RPS6KL1: variants seen among roughly 807,000 people sequenced by gnomAD.
The protein encoded by RPS6KL1 is ribosomal protein S6 kinase like 1, also known as ribosomal protein S6 kinase-like 1.
A neutral mutation model predicts 57.0 loss-of-function variants in RPS6KL1; 41 were observed. The observed-to-expected ratio is 0.72, with a 90% CI of 0.56 to 0.93. The LOEUF is 0.93. Among genes scored for constraint, RPS6KL1 ranks in the 40% least tolerant of loss-of-function variants. The pLI, the probability that RPS6KL1 is intolerant of heterozygous loss-of-function variation, is 0.00. For missense variants in RPS6KL1, 697 were observed against 727.7 expected (o/e 0.96, Z 0.49); for synonymous variants, 287 against 309.7 (o/e 0.93, Z 0.77).
Position 74,922,462 on chromosome 14 carries a change from G to A in RPS6KL1, c.-505C>T. 2.3e-6 allele frequency: 1 copy of A among 430,958 alleles called. No individual in the cohort carries two copies. The highest frequency in any genetic ancestry group is 3.1e-6 in the Non-Finnish European group (1 of 322,304). 26.7% of individuals were successfully genotyped at this position (430,958 alleles called of 1,614,324 possible). A position where few individuals can be genotyped will look rare whatever the true frequency, so the allele number is the denominator to read the frequency against. On this transcript the variant is annotated 5_prime_UTR_variant, in exon 2 of 12. Transcript: ENST00000557413. Reference sequence around the variant, plus strand: ...CCCCTCCTGGAGCCAGCAGAGAGCAGAGCACAGAGCTGGGCTGTAAGAACT... The same window carrying A: ...CCCCTCCTGGAGCCAGCAGAGAGCAAAGCACAGAGCTGGGCTGTAAGAACT...
chr14:74,909,834 G>C lies in RPS6KL1; in HGVS notation c.979C>G (p.His327Asp). The change falls in exon 8 of 12, where the codon CAC becomes GAC. Residue 327 changes from histidine to aspartate, a missense_variant. Physicochemically the swap from His to Asp is moderately conservative, Grantham distance 81 (BLOSUM62 -1). Coordinates refer to ENST00000557413, the MANE Select transcript of RPS6KL1 (RefSeq NM_031464.5). ...TGGCCAGCCCTCCTAGCTTGAAGGT[G>C]CAGGTGGCCACCTGGGGCCTTTGGA... Reference protein sequence around the residue: ...DLPKAPGGHLHLQARRAGQNS... With the variant: ...DLPKAPGGHLDLQARRAGQNS... 1 of 1,611,138 alleles carries C rather than the reference G, an allele frequency of 6.2e-7. No individual in the cohort carries two copies. Among genetic ancestry groups the C allele is most frequent in the Non-Finnish European group, 8.5e-7 (1 of 1,178,522 alleles).
intron 4 of RPS6KL1, 46 bp from the exon 5 acceptor site, chr14:74,918,651 C>T: frequency 7.0e-7 from 1 of 1,428,830 alleles, no homozygotes; most frequent in East Asian, 2.5e-5. Flanking sequence ...GGGCCGAGCC[C>T]TCCTTGGCCA....
At chr14:74,921,238 T>TTCCCCCCCCCCCC in intron 3 of RPS6KL1, 39 bp downstream of exon 3, 156 of 839,912 alleles carry the variant, frequency 1.9e-4, no homozygotes, top group East Asian at 2.9e-4. Flanking sequence ...CACTGGCCCT[T>TTCCCCCCCCCCCC]CCCCACCCAC....
chr14:74,921,203 C>T (rs1887769733), intron 3 of RPS6KL1, 74 bp downstream of exon 3: 1 of 1,350,964 alleles, frequency 7.4e-7, no homozygotes, highest in Middle Eastern at 2.3e-4. Context: ...GGGGACAAGA[C>T]AGATGGGTGA....
At chr14:74,912,246 G>A (rs1294811145) in intron 5 of RPS6KL1, among the ~76,000 whole-genome samples, 1 of 152,170 alleles carries the variant, frequency 6.6e-6, no homozygotes, top group Non-Finnish European at 1.5e-5. Flanking sequence ...TGAGCAGCCC[G>A]GGCCTTGGCT....
chr14:74,906,295 A>G lies in RPS6KL1; in HGVS notation c.*719T>C. 3.0e-6 allele frequency: 1 copy of G among 333,440 alleles called. No individual in the cohort carries two copies. Among genetic ancestry groups the G allele is most frequent in the East Asian group, 7.7e-5 (1 of 12,904 alleles). 20.7% of individuals were successfully genotyped at this position (333,440 alleles called of 1,614,324 possible). On this transcript the variant is annotated 3_prime_UTR_variant, in exon 12 of 12. Coordinates refer to ENST00000557413, the MANE Select transcript of RPS6KL1 (RefSeq NM_031464.5). ...TTGATTCTGGTTTCAGACTTGCTCTAAGGGGCAGACCCATGCATTCCTTCC... is the reference window on the plus strand; with the variant it reads ...TTGATTCTGGTTTCAGACTTGCTCTGAGGGGCAGACCCATGCATTCCTTCC...
chr14:74,921,330 G>T lies in RPS6KL1; in HGVS notation c.212C>A (p.Ala71Glu), dbSNP rs375449199. 6.2e-6 allele frequency: 10 copies of T among 1,611,860 alleles called. No homozygotes were observed. The African/African-American group carries it at 1.3e-4, about 22-fold the overall frequency. Reference sequence around the variant, plus strand: ...GCCATTCTGATAGTGGTTGAAGGCCGCCTCATAGTCCTCACTAACATCGCG... The same window carrying T: ...GCCATTCTGATAGTGGTTGAAGGCCTCCTCATAGTCCTCACTAACATCGCG... ...LERDVSEDYE[A>E]AFNHYQNGVD... The change falls in exon 3 of 12, where the codon GCG becomes GAG. Residue 71 changes from alanine to glutamate, a missense_variant. By Grantham distance (107) the Ala-to-Glu change is moderately radical. Transcript: ENST00000557413.
At chr14:74,916,481 A>C (rs907078986) in intron 5 of RPS6KL1, among the ~76,000 whole-genome samples, 49 of 152,340 alleles carry the variant, frequency 3.2e-4, no homozygotes, top group African/African-American at 1.1e-3. Context: ...ACCTGAGGCA[A>C]GGAGTTCGAG....
chr14:74,917,074 C>T (rs929691087), intron 5 of RPS6KL1, among the ~76,000 whole-genome samples: 1 of 152,204 alleles, frequency 6.6e-6, no homozygotes, highest in Non-Finnish European at 1.5e-5. Flanking sequence ...GCAGGGCCTG[C>T]GCTGACAGTC....
In RPS6KL1 at chr14:74,909,721, A is replaced by T; in HGVS notation, c.1092T>A (p.Asp364Glu). The T allele has an allele frequency of 6.2e-7, 1 of 1,608,338 alleles. No individual in the cohort carries two copies. The highest frequency in any genetic ancestry group is 8.5e-7 in the Non-Finnish European group (1 of 1,179,778). ...PVLGGCGRGM[D>E]QSCLSADGAG... ...CCCCATCTGCTGACAGGCAGCTCTGATCCATGCCTCGGCCACAGCCCCCTA... is the reference window on the plus strand; with the variant it reads ...CCCCATCTGCTGACAGGCAGCTCTGTTCCATGCCTCGGCCACAGCCCCCTA... The change falls in exon 8 of 12, where the codon GAT becomes GAA. Residue 364 changes from aspartate (D) to glutamate (E), a missense_variant. By Grantham distance (45) the Asp-to-Glu change is conservative. Transcript: ENST00000557413.
In RPS6KL1 at chr14:74,919,828, G is replaced by GGA. The variant is rs748985566; in HGVS notation, c.390+16_390+17insTC. 8.0e-6 allele frequency: 12 copies of GGA among 1,491,478 alleles called. No individual in the cohort carries two copies. Among genetic ancestry groups the GGA allele is most frequent in the African/African-American group, 4.1e-5 (2 of 49,002 alleles). 92.4% of individuals were successfully genotyped at this position (1,491,478 alleles called of 1,614,324 possible). ...CCTCCTCCCGCTCAGGCCTTTGGGT[G>GGA]GGGGGGGTCTCCTCACCGCGCTGGG... On this transcript the variant is annotated intron_variant, in intron 4 of 11. Coordinates refer to ENST00000557413, the MANE Select transcript of RPS6KL1 (RefSeq NM_031464.5).
In RPS6KL1 at chr14:74,910,039, G is replaced by A. The variant is rs746485162; in HGVS notation, c.774C>T (p.Asn258=). Residue 258 remains asparagine, a synonymous_variant, in exon 8 of 12, where the codon AAC becomes AAT. Transcript: ENST00000557413. ...AGGGAAGCCTCGCTGGGGTCAGGAG[G>A]TTGAGGTGGGGGTTGAGCTGAGCCT... ...RMKAQLNPHL[N]LLTPARLPSG... The A allele has an allele frequency of 2.5e-6, 4 of 1,613,248 alleles. No individual in the cohort carries two copies. Among genetic ancestry groups the A allele is most frequent in the Non-Finnish European group, 1.7e-6 (2 of 1,179,810 alleles).
intron 11 of RPS6KL1, 34 bp downstream of exon 11, chr14:74,907,401 G>A: frequency 1.3e-6 from 2 of 1,548,658 alleles, no homozygotes; most frequent in Non-Finnish European, 1.7e-6. Flanking sequence ...CCTCAGGCTA[G>A]GCAGCTGCTT....
Position 74,907,451 on chromosome 14 carries a change from G to T in RPS6KL1, c.1523C>A (p.Ala508Asp), listed in dbSNP as rs757505852. 2 of 1,582,296 alleles carry T rather than the reference G, an allele frequency of 1.3e-6. No individual in the cohort carries two copies. Among genetic ancestry groups the T allele is most frequent in the South Asian group, 2.3e-5 (2 of 86,430 alleles). The change falls in exon 11 of 12, where the codon GCC becomes GAC. Residue 508 changes from alanine (A) to aspartate (D), a missense_variant. Coordinates refer to ENST00000557413, the MANE Select transcript of RPS6KL1 (RefSeq NM_031464.5). ...QLPEWLSRPA[A>D]SLLTELLQFE... is the part of the protein sequence containing the mutation. ...ACACCTCACCTCAGTCAGCAGAGAG[G>T]CCGCTGGGCGACTGAGCCACTCGGG...
chr14:74,918,781 C>T (rs1165606101), intron 4 of RPS6KL1, among the ~76,000 whole-genome samples, 176 bp from the exon 5 acceptor site: 1 of 152,210 alleles, frequency 6.6e-6, no homozygotes, highest in Admixed American at 6.5e-5. Flanking sequence ...CTGGCCTTTA[C>T]CGATAGGCAC....
intron 6 of RPS6KL1, 77 bp from the exon 7 acceptor site, chr14:74,911,457 C>T (rs1885963401): frequency 1.3e-6 from 2 of 1,526,900 alleles, no homozygotes; most frequent in African/African-American, 2.7e-5. Flanking sequence ...CTAGCCCTGG[C>T]TTCAGGGGCA....
chr14:74,906,074 T>G lies in RPS6KL1; in HGVS notation c.*940A>C. ...GCCATGGATAGTTGTTCCATGCGTT[T>G]TGTGGTTTCTTATCCCAAAAGGGCA... On this transcript the variant is annotated 3_prime_UTR_variant, in exon 12 of 12. Transcript: ENST00000557413. 5.6e-6 allele frequency: 1 copy of G among 178,074 alleles called. No individual in the cohort carries two copies. The highest frequency in any genetic ancestry group is 1.2e-5 in the Non-Finnish European group (1 of 81,884). 11.0% of individuals were successfully genotyped at this position (178,074 alleles called of 1,614,324 possible).
In RPS6KL1 at chr14:74,908,908, G is replaced by A. The variant is rs199620516; in HGVS notation, c.1385C>T (p.Thr462Met). 47 of 1,613,770 alleles carry A rather than the reference G, an allele frequency of 2.9e-5. No individual in the cohort carries two copies. The highest frequency in any genetic ancestry group is 2.0e-4 in the East Asian group (9 of 44,882). The change falls in exon 10 of 12, where the codon ACG becomes ATG. Residue 462 changes from threonine to methionine, a missense_variant. By Grantham distance (81) the Thr-to-Met change is moderately conservative. Transcript: ENST00000557413. ...AAAGCTCCACCAGTCACAGGCTTCCGTCAGCTCGGAAATCCCACCCACCTC... is the reference window on the plus strand; with the variant it reads ...AAAGCTCCACCAGTCACAGGCTTCCATCAGCTCGGAAATCCCACCCACCTC... ...APEVGGISEL[T>M]EACDWWSFGS...
At chr14:74,912,123 C>T (rs1043762899) in intron 5 of RPS6KL1, among the ~76,000 whole-genome samples, 1 of 152,146 alleles carries the variant, frequency 6.6e-6, no homozygotes, top group Admixed American at 6.5e-5. Context: ...CTTAGTTCAC[C>T]CTTAGGAGAG....
Sources: gnomAD v4.1 joint callset for allele counts (sites outside exome capture counted in the v4.1 genomes callset) on GRCh38, gnomAD v4.1.1 for gene constraint, MANE v1.5 for transcripts, NCBI Gene and HGNC (gene_info 2026-07-23, HGNC 2026-07-21) for gene names.